Variants in SEC14L1 observed in about 807,000 individuals in gnomAD.
SEC14L1 encodes the protein SEC14 like lipid binding 1.
Under a neutral mutation model 85.3 loss-of-function variants are expected in SEC14L1, and 48 were observed. That is an observed-to-expected ratio of 0.56 (90% CI 0.45 to 0.72). The LOEUF (loss-of-function observed/expected upper bound fraction) is 0.72, where lower values mean the gene tolerates loss of function less well. SEC14L1 is among the 30% of genes least tolerant of loss of function. The pLI, the probability that SEC14L1 is intolerant of heterozygous loss-of-function variation, is 0.00. For synonymous variants in SEC14L1, 391 were observed against 355.5 expected (o/e 1.10, Z -1.12); for missense variants, 682 against 921.4 (o/e 0.74, Z 3.36).
intron 3 of SEC14L1, among the ~76,000 whole-genome samples, chr17:77,171,931 G>C (rs779371543): frequency 3.9e-5 from 6 of 151,934 alleles, no homozygotes; most frequent in Non-Finnish European, 8.8e-5. Flanking sequence ...AATTTTTCTT[G>C]GTTAACATAG....
In SEC14L1 at chr17:77,206,643, C is replaced by G. The variant is rs1242293102; in HGVS notation, c.1342-85C>G. On this transcript the variant is annotated intron_variant, in intron 12 of 16. Transcript: ENST00000436233. The surrounding 1 kb of genome is among the most constrained non-coding windows in gnomAD (Gnocchi z 4.3). ...ACTTGAATGTCTTCCCCCCACCCTC[C>G]CACTCAGAATACCACATTGTCATTT... 6.8e-7 allele frequency: 1 copy of G among 1,479,928 alleles called. No homozygotes were observed. Among genetic ancestry groups the G allele is most frequent in the Non-Finnish European group, 9.2e-7 (1 of 1,090,084 alleles). The allele number at this position is 1,479,928 out of a possible 1,614,324, so 91.7% of individuals were successfully genotyped here.
At chr17:77,096,410 A>C (rs997149584) in intron 3 of SEC14L1, among the ~76,000 whole-genome samples, 8 of 148,444 alleles carry the variant, frequency 5.4e-5, no homozygotes, top group African/African-American at 1.5e-4. Context: ...TACAAAAATT[A>C]GCCAGGCGTT....
At chr17:77,209,277 G>A in intron 13 of SEC14L1, 65 bp from the exon 14 acceptor site, 2 of 1,595,398 alleles carry the variant, frequency 1.3e-6, no homozygotes, top group Non-Finnish European at 1.7e-6. Flanking sequence ...GCTGGCCGGT[G>A]TGTCTGGGTT....
chr17:77,213,818 G>A lies in SEC14L1; in HGVS notation c.2043-100G>A, dbSNP rs1190942249. ...AAGCACTGATGGGGATGAGAAGTGA[G>A]CAGAGAACAGGGTGGGCCACGAAGT... On this transcript the variant is annotated intron_variant, in intron 16 of 16. Transcript: ENST00000436233. The surrounding 1 kb of genome is among the most constrained non-coding windows in gnomAD (Gnocchi z 7.1). 6 of 1,424,196 alleles carry A rather than the reference G, an allele frequency of 4.2e-6. No homozygotes were observed. Among genetic ancestry groups the A allele is most frequent in the African/African-American group, 1.4e-5 (1 of 71,280 alleles). 88.2% of individuals were successfully genotyped at this position (1,424,196 alleles called of 1,614,324 possible).
intron 8 of SEC14L1, among the ~76,000 whole-genome samples, chr17:77,200,257 C>A (rs1468838328): frequency 6.6e-6 from 1 of 152,050 alleles, no homozygotes; most frequent in Non-Finnish European, 1.5e-5. Context: ...GCAGCCTCCA[C>A]CTCCCAGGTT....
At chr17:77,088,864 G>A (rs990843965) in exon 1 of SEC14L1, 2 of 155,440 alleles carry the variant, frequency 1.3e-5, no homozygotes, top group African/African-American at 4.8e-5. Flanking sequence ...CCGGGGGCTG[G>A]AGGCACTGAC....
chr17:77,212,491 T>G (rs902772573), intron 15 of SEC14L1, among the ~76,000 whole-genome samples: 1 of 151,718 alleles, frequency 6.6e-6, no homozygotes, highest in Non-Finnish European at 1.5e-5. Context: ...ATAGGATTTT[T>G]CCCCCCCGCC....
At chr17:77,157,530 C>CTT (rs370936192) in intron 3 of SEC14L1, among the ~76,000 whole-genome samples, 33 of 144,422 alleles carry the variant, frequency 2.3e-4, no homozygotes, top group Non-Finnish European at 3.4e-4. Flanking sequence ...TCTATTATAA[C>CTT]TTTTTTTTTT....
At chr17:77,195,662 A>G (rs1168593447) in intron 7 of SEC14L1, among the ~76,000 whole-genome samples, 3 of 152,032 alleles carry the variant, frequency 2.0e-5, no homozygotes, top group East Asian at 3.9e-4. Flanking sequence ...TAATTTTTAT[A>G]TTCCTAGTAG....
chr17:77,200,090 C>T (rs982355884), intron 8 of SEC14L1, among the ~76,000 whole-genome samples: 8 of 152,158 alleles, frequency 5.3e-5, no homozygotes, highest in African/African-American at 1.7e-4. Flanking sequence ...TGCCTAAGCC[C>T]AGTAGTTGGG....
upstream of SEC14L1, among the ~76,000 whole-genome samples, chr17:77,139,716 T>C (rs891563938): frequency 2.0e-5 from 3 of 151,918 alleles, no homozygotes; most frequent in Non-Finnish European, 4.4e-5. Flanking sequence ...GCCAGGATGG[T>C]CTCGATCTCC....
rs1346211384 is a variant in SEC14L1, at chr17:77,215,976, G to A, written c.*1953G>A. ...AGGGTTAGGTAGGGTTCGTAGGTAGGGTTAGTAGGTAGGGCTAGTAGGTAG... is the reference window on the plus strand; with the variant it reads ...AGGGTTAGGTAGGGTTCGTAGGTAGAGTTAGTAGGTAGGGCTAGTAGGTAG... On this transcript the variant is annotated 3_prime_UTR_variant, in exon 17 of 17. Coordinates refer to ENST00000436233, the MANE Select transcript of SEC14L1 (RefSeq NM_001143998.2). 3 of 685,478 alleles carry A rather than the reference G, an allele frequency of 4.4e-6. No homozygotes were observed. In the African/African-American group the frequency reaches 6.7e-5, roughly 15 times the overall value. The allele number at this position is 685,478 out of a possible 1,614,324, so 42.5% of individuals were successfully genotyped here. A position where few individuals can be genotyped will look rare whatever the true frequency, so the allele number is the denominator to read the frequency against.
intron 3 of SEC14L1, among the ~76,000 whole-genome samples, chr17:77,111,328 T>G (rs695124): frequency 6.6e-6 from 1 of 151,738 alleles, no homozygotes; most frequent in Non-Finnish European, 1.5e-5. Flanking sequence ...TCTAAAGACG[T>G]GGGATTGATA....
rs894095732 is a variant in SEC14L1, at chr17:77,213,634, G to A, written c.2042+142G>A. On this transcript the variant is annotated intron_variant, in intron 16 of 16. Coordinates refer to ENST00000436233, the MANE Select transcript of SEC14L1 (RefSeq NM_001143998.2). This position sits in a 1 kb window ranked among gnomAD's most constrained non-coding sequence, Gnocchi z 7.1. ...AGGGCCAGGAGGGAGTGGCTTTGGG[G>A]TCATTTGTTGGCACGGTGACTCCCT... 1.9e-6 allele frequency: 2 copies of A among 1,042,996 alleles called. No individual in the cohort carries two copies. The highest frequency in any genetic ancestry group is 2.9e-6 in the Non-Finnish European group (2 of 695,702). 64.6% of individuals were successfully genotyped at this position (1,042,996 alleles called of 1,614,324 possible).
At chr17:77,113,984 C>T (rs1972109896) in intron 3 of SEC14L1, among the ~76,000 whole-genome samples, 1 of 152,198 alleles carries the variant, frequency 6.6e-6, no homozygotes, top group African/African-American at 2.4e-5. Flanking sequence ...CCCTACCCTA[C>T]TCACAGGCCT....
In SEC14L1 at chr17:77,170,430, C is replaced by T. The variant is rs182492354; in HGVS notation, c.64-20373C>T. ...TCTTCTTTCCAACTTCTGACGAGGA[C>T]GTAATCTCTGGGCTGGTGATGATGG... On this transcript the variant is annotated intron_variant, in intron 3 of 16. Transcript: ENST00000436233. 4.0e-3 allele frequency among the ~76,000 whole-genome samples: 607 copies of T among 152,222 alleles called. 3 individuals are homozygous for T. Among genetic ancestry groups the T allele is most frequent in the Middle Eastern group, 0.01 (3 of 294 alleles).
At chr17:77,096,892 C>G (rs1250144988) in intron 3 of SEC14L1, among the ~76,000 whole-genome samples, 1 of 152,128 alleles carries the variant, frequency 6.6e-6, no homozygotes, top group African/African-American at 2.4e-5. Context: ...GCAGAAGATT[C>G]ATCTGCGGGG....
intron 8 of SEC14L1, among the ~76,000 whole-genome samples, chr17:77,197,560 A>G (rs1468884079): frequency 2.0e-5 from 3 of 152,154 alleles, no homozygotes; most frequent in Non-Finnish European, 4.4e-5. Context: ...TGAGTTGGCA[A>G]AAGCACCATT....
chr17:77,114,520 T>A (rs1972123999), intron 3 of SEC14L1, among the ~76,000 whole-genome samples: 1 of 122,728 alleles, frequency 8.1e-6, no homozygotes. Context: ...CTAGACTCCA[T>A]CCCAAAACAA....
Sources: gnomAD v4.1 joint callset for allele counts (sites outside exome capture counted in the v4.1 genomes callset) on GRCh38, gnomAD v4.1.1 for gene constraint, Gnocchi (gnomAD v3.1) non-coding constraint, MANE v1.5 for transcripts, NCBI Gene and HGNC (gene_info 2026-07-23, HGNC 2026-07-21) for gene names.